PRDM5: variants seen among roughly 807,000 people sequenced by gnomAD.
PRDM5 encodes the protein PR/SET domain 5.
In PRDM5, 56 loss-of-function variants were observed where a neutral mutation model predicts 81.2. That is an observed-to-expected ratio of 0.69 (90% CI 0.56 to 0.86). The LOEUF is 0.86. Ranked by LOEUF, PRDM5 falls within the 40% of genes least tolerant of loss-of-function variation. The pLI is 0.00. For missense variants in PRDM5, 697 were observed against 770.1 expected, an observed-to-expected ratio of 0.91 and a Z score of 1.12; for synonymous variants, 267 against 256.4, an observed-to-expected ratio of 1.04 and a Z score of -0.39.
intron 2 of PRDM5, among the ~76,000 whole-genome samples, chr4:120,892,810 T>A (rs1379993459): frequency 1.3e-5 from 2 of 152,218 alleles, no homozygotes; most frequent in East Asian, 3.9e-4. Flanking sequence ...GGCAGCTCTA[T>A]CACGTATTGC....
intron 2 of PRDM5, among the ~76,000 whole-genome samples, chr4:120,869,066 T>C (rs559981136): frequency 1.3e-5 from 2 of 152,300 alleles, no homozygotes; most frequent in South Asian, 2.1e-4. Flanking sequence ...TATATATGTT[T>C]CCATCGATCT....
At chr4:120,864,335 A>G (rs535851711) in intron 2 of PRDM5, among the ~76,000 whole-genome samples, 4 of 152,246 alleles carry the variant, frequency 2.6e-5, no homozygotes, top group African/African-American at 9.6e-5. Flanking sequence ...TAAAGTTGAT[A>G]TCTGATATCT....
At chr4:120,697,030 G>T (rs1296992214) in intron 15 of PRDM5, among the ~76,000 whole-genome samples, 1 of 152,074 alleles carries the variant, frequency 6.6e-6, no homozygotes. Context: ...CAGGAAACAT[G>T]CAACAGCATA....
intron 14 of PRDM5, among the ~76,000 whole-genome samples, chr4:120,744,185 G>C (rs372441867): frequency 6.6e-6 from 1 of 151,910 alleles, no homozygotes; most frequent in Non-Finnish European, 1.5e-5. Context: ...TGACTACTGG[G>C]TACATAACGA....
At chr4:120,721,274 T>C (rs944272231) in intron 14 of PRDM5, among the ~76,000 whole-genome samples, 11 of 152,196 alleles carry the variant, frequency 7.2e-5, no homozygotes, top group African/African-American at 2.7e-4. Context: ...TCCAGTGGAC[T>C]TCAACCCTGC....
intron 3 of PRDM5, among the ~76,000 whole-genome samples, chr4:120,827,045 C>T (rs552464354): frequency 7.2e-5 from 11 of 152,134 alleles, no homozygotes; most frequent in African/African-American, 2.7e-4. Context: ...ATTCAGTCAA[C>T]AAATCTACAA....
In PRDM5 at chr4:120,695,209, G is replaced by A. The variant is rs1451159185; in HGVS notation, c.1795C>T (p.Arg599Cys). Residue 599 changes from arginine to cysteine, a missense_variant, in exon 16 of 16, where the codon CGT becomes TGT. By Grantham distance (180) the Arg-to-Cys change is radical. Transcript: ENST00000264808. ...CAAAACTGGCATTCTGCCAGGGGACGATTGGGATTATGAGTCATCTTGTGT... is the reference window on the plus strand; with the variant it reads ...CAAAACTGGCATTCTGCCAGGGGACAATTGGGATTATGAGTCATCTTGTGT... ...IRHKMTHNPN[R>C]PLAECQFCHK... 1.2e-6 allele frequency: 2 copies of A among 1,613,464 alleles called. No individual in the cohort carries two copies. Among genetic ancestry groups the A allele is most frequent in the Admixed American group, 1.7e-5 (1 of 59,914 alleles).
At chr4:120,691,088 T>C (rs573347228), downstream of PRDM5, among the ~76,000 whole-genome samples, 1 of 152,276 alleles carries the variant, frequency 6.6e-6, no homozygotes, top group South Asian at 2.1e-4. Context: ...TAACTAAATA[T>C]GAACATTTGT....
intron 14 of PRDM5, among the ~76,000 whole-genome samples, chr4:120,717,729 T>A (rs1375783014): frequency 6.6e-6 from 1 of 152,212 alleles, no homozygotes; most frequent in Non-Finnish European, 1.5e-5. Context: ...GATCCCTGGA[T>A]GGATCCATCC....
intron 13 of PRDM5, among the ~76,000 whole-genome samples, chr4:120,768,583 A>G (rs1195476733): frequency 6.6e-6 from 1 of 152,208 alleles, no homozygotes; most frequent in African/African-American, 2.4e-5. Context: ...GAGCCCCCAG[A>G]TCTCTACTAG....
At chr4:120,702,054 T>G (rs13119260) in intron 15 of PRDM5, among the ~76,000 whole-genome samples, 1 of 152,120 alleles carries the variant, frequency 6.6e-6, no homozygotes, top group African/African-American at 2.4e-5. Context: ...GGAATATTAC[T>G]TGCATTTTGC....
intron 3 of PRDM5, among the ~76,000 whole-genome samples, chr4:120,846,695 T>C (rs961621158): frequency 2.6e-5 from 4 of 152,128 alleles, no homozygotes; most frequent in African/African-American, 7.2e-5. Context: ...GTGTTTTGCA[T>C]ATATTATCTC....
chr4:120,802,391 G>A (rs1752250751), intron 8 of PRDM5, among the ~76,000 whole-genome samples: 1 of 152,152 alleles, frequency 6.6e-6, no homozygotes, highest in Non-Finnish European at 1.5e-5. Context: ...ACTGAGGCTT[G>A]TCGTACAGTG....
chr4:120,904,319 G>A (rs1166783489), intron 2 of PRDM5, among the ~76,000 whole-genome samples: 1 of 151,462 alleles, frequency 6.6e-6, no homozygotes, highest in African/African-American at 2.4e-5. Flanking sequence ...AGACCAAGAG[G>A]AAAAAGAACC....
At chr4:120,720,784 A>C (rs1738490166) in intron 14 of PRDM5, among the ~76,000 whole-genome samples, 1 of 152,246 alleles carries the variant, frequency 6.6e-6, no homozygotes, top group African/African-American at 2.4e-5. Context: ...GCATCTAAAA[A>C]TTATAACTCT....
intron 13 of PRDM5, among the ~76,000 whole-genome samples, chr4:120,760,249 C>T (rs1030807933): frequency 6.6e-6 from 1 of 152,106 alleles, no homozygotes. Context: ...CTGGTAGATT[C>T]CAGCATTCTT....
chr4:120,752,501 A>T (rs1436754278), intron 14 of PRDM5, among the ~76,000 whole-genome samples: 1 of 152,156 alleles, frequency 6.6e-6, no homozygotes, highest in African/African-American at 2.4e-5. Context: ...AGTTAATGTC[A>T]GAAAACTTCT....
chr4:120,863,356 C>A (rs905941845), intron 2 of PRDM5, among the ~76,000 whole-genome samples: 1 of 151,710 alleles, frequency 6.6e-6, no homozygotes, highest in African/African-American at 2.4e-5. Flanking sequence ...TACACACCTA[C>A]TACGTACTGT....
chr4:120,689,001 T>G (rs1256976253), downstream of PRDM5, among the ~76,000 whole-genome samples: 1 of 152,186 alleles, frequency 6.6e-6, no homozygotes, highest in Non-Finnish European at 1.5e-5. Context: ...AGTGACTCTG[T>G]GCCATCCATA....
Sources: allele counts gnomAD v4.1 joint callset (sites outside exome capture counted in the v4.1 genomes callset), GRCh38; gene constraint gnomAD v4.1.1; transcripts MANE v1.5; gene names NCBI Gene and HGNC (gene_info 2026-07-23, HGNC 2026-07-21).